IL1RAPL2: variants seen among roughly 807,000 people sequenced by gnomAD.
The protein encoded by IL1RAPL2 is X-linked interleukin-1 receptor accessory protein-like 2.
A neutral mutation model predicts 44.1 loss-of-function variants in IL1RAPL2; 3 were observed. That is an observed-to-expected ratio of 0.07 (90% CI 0.03 to 0.18). The LOEUF (loss-of-function observed/expected upper bound fraction) is 0.18, where lower values mean the gene tolerates loss of function less well. IL1RAPL2 is among the 10% of genes least tolerant of loss of function. The probability of loss-of-function intolerance (pLI) is 1.00; values close to 1 mark genes in which losing one functional copy is unlikely to be tolerated. For missense variants in IL1RAPL2, 391 were observed against 496.4 expected, an observed-to-expected ratio of 0.79 and a Z score of 2.02; for synonymous variants, 181 against 178.8, an observed-to-expected ratio of 1.01 and a Z score of -0.10.
chrX:105,514,528 T>G (rs976210900), intron 6 of IL1RAPL2, among the ~76,000 whole-genome samples: 1 of 112,689 alleles, frequency 8.9e-6, no homozygotes, highest in African/African-American at 3.2e-5. Context: ...TAGAATACTT[T>G]GAAGCAGATA....
intron 2 of IL1RAPL2, among the ~76,000 whole-genome samples, chrX:105,178,201 G>T (rs1443266949): frequency 9.0e-6 from 1 of 110,707 alleles, no homozygotes; most frequent in Non-Finnish European, 1.9e-5. Context: ...AATTCTTTTA[G>T]CTCCCAATAG....
At chrX:105,285,074 T>C (rs2034560880) in intron 5 of IL1RAPL2, among the ~76,000 whole-genome samples, 1 of 112,304 alleles carries the variant, frequency 8.9e-6, no homozygotes. Context: ...GAGTAACACC[T>C]GCTCCTTGCA....
intron 5 of IL1RAPL2, among the ~76,000 whole-genome samples, chrX:105,332,890 T>C (rs1190631924): frequency 1.8e-5 from 2 of 111,528 alleles, no homozygotes; most frequent in African/African-American, 3.3e-5. Context: ...GGACAAATAT[T>C]CCATGTTCAT....
intron 2 of IL1RAPL2, among the ~76,000 whole-genome samples, chrX:104,670,279 C>T (rs1722555625): frequency 9.0e-6 from 1 of 111,398 alleles, no homozygotes; most frequent in African/African-American, 3.3e-5. Context: ...GTCCAAAGAA[C>T]CTGGAGTCTG....
chrX:104,708,648 A>G (rs1026249575), intron 2 of IL1RAPL2, among the ~76,000 whole-genome samples: 4 of 111,567 alleles, frequency 3.6e-5, no homozygotes, highest in Non-Finnish European at 7.6e-5. Flanking sequence ...TGTTCCCTGC[A>G]TAACACATCC....
chrX:104,713,934 C>T (rs1931507511), intron 2 of IL1RAPL2, among the ~76,000 whole-genome samples: 1 of 110,839 alleles, frequency 9.0e-6, no homozygotes, highest in Admixed American at 9.6e-5. Flanking sequence ...TTCCATGTTT[C>T]CAGAAGGAGA....
At chrX:104,914,131 C>G in intron 2 of IL1RAPL2, among the ~76,000 whole-genome samples, 1 of 111,717 alleles carries the variant, frequency 9.0e-6, no homozygotes, top group Middle Eastern at 4.6e-3. Context: ...CACACTAGAC[C>G]TGCTGAATCA....
At chrX:105,527,403 A>C (rs756919746) in intron 6 of IL1RAPL2, among the ~76,000 whole-genome samples, 1 of 107,321 alleles carries the variant, frequency 9.3e-6, no homozygotes, top group East Asian at 2.9e-4. Flanking sequence ...AGCCTACAGG[A>C]TAAAAAGGAC....
At position 104,572,057 on chromosome X, in the gene IL1RAPL2, A is replaced by T. The variant is rs750323106; in HGVS notation, c.-20+5006A>T. On this transcript the variant is annotated intron_variant, in intron 1 of 10. Transcript: ENST00000372582. The stretch of plus-strand genomic sequence containing the variant: ...ATCTAGATCATTGTATTATGTTATG[A>T]ATTTTTAACATTTATGTTGTGCTTG... Among the ~76,000 whole-genome samples, 209 of 112,076 alleles carry T rather than the reference A, an allele frequency of 1.9e-3. 1 individual carries two copies. The highest frequency in any genetic ancestry group is 3.3e-3 in the Non-Finnish European group (177 of 53,223).
In IL1RAPL2 at chrX:104,936,798, G is replaced by A. The variant is rs142279960; in HGVS notation, c.83-258677G>A. Among the ~76,000 whole-genome samples the A allele has an allele frequency of 5.6e-3, 612 of 109,691 alleles. 7 individuals are homozygous for A. Among genetic ancestry groups the A allele is most frequent in the African/African-American group, 0.019 (581 of 30,084 alleles). On this transcript the variant is annotated intron_variant, in intron 2 of 10. Transcript: ENST00000372582. ...TTTTTTTGTATTTTTAGTAGAGATGGGGTTTCACCGTGTTAGCCAGAATGG... is the reference window on the plus strand; with the variant it reads ...TTTTTTTGTATTTTTAGTAGAGATGAGGTTTCACCGTGTTAGCCAGAATGG...
chrX:105,582,747 T>C (rs1414435502), intron 6 of IL1RAPL2, among the ~76,000 whole-genome samples: 1 of 109,728 alleles, frequency 9.1e-6, no homozygotes, highest in Non-Finnish European at 1.9e-5. Context: ...TTTATGTATA[T>C]ATTGATTTTT....
intron 2 of IL1RAPL2, among the ~76,000 whole-genome samples, chrX:104,855,704 A>C (rs1292730329): frequency 5.1e-5 from 2 of 39,315 alleles, no homozygotes; most frequent in African/African-American, 9.0e-5. Flanking sequence ...TTTTTACTGT[A>C]TCTCTCTCTG....
chrX:105,707,948 G>A (rs1358690409), intron 6 of IL1RAPL2, among the ~76,000 whole-genome samples: 1 of 110,484 alleles, frequency 9.1e-6, no homozygotes, highest in East Asian at 2.9e-4. Flanking sequence ...CAAAAGTGGA[G>A]GGTAAAGGCA....
At chrX:105,689,169 C>CTTCATG (rs2038013439) in intron 6 of IL1RAPL2, among the ~76,000 whole-genome samples, 1 of 111,659 alleles carries the variant, frequency 9.0e-6, no homozygotes, top group Admixed American at 9.5e-5. Flanking sequence ...ATGGGGAGAA[C>CTTCATG]TTCATGACTA....
intron 5 of IL1RAPL2, among the ~76,000 whole-genome samples, chrX:105,439,517 CAAAAAAA>C (rs11337790): frequency 2.5e-3 from 147 of 59,093 alleles, no homozygotes; most frequent in African/African-American, 8.8e-3. Flanking sequence ...TTTTGCTGTA[CAAAAAAA>C]AAAAAAAAAA....
chrX:104,574,437 G>A (rs1928207364), intron 1 of IL1RAPL2, among the ~76,000 whole-genome samples: 1 of 112,082 alleles, frequency 8.9e-6, no homozygotes, highest in Admixed American at 9.4e-5. Context: ...TGGCAAACCT[G>A]TGAGGATATG....
chrX:104,620,495 C>T (rs1451136803), intron 1 of IL1RAPL2, among the ~76,000 whole-genome samples: 2 of 106,633 alleles, frequency 1.9e-5, no homozygotes, highest in Non-Finnish European at 3.9e-5. Context: ...AAAAGATTAG[C>T]GGGGCATGGT....
At chrX:104,648,114 C>T (rs902536374) in intron 1 of IL1RAPL2, 2 of 407,416 alleles carry the variant, frequency 4.9e-6, no homozygotes, top group African/African-American at 5.0e-5. Context: ...CACACACATT[C>T]TCAGGCATGC....
At chrX:105,554,283 A>G (rs1314810020) in intron 6 of IL1RAPL2, among the ~76,000 whole-genome samples, 1 of 112,458 alleles carries the variant, frequency 8.9e-6, no homozygotes, top group East Asian at 2.8e-4. Context: ...AGGCAAGGAA[A>G]CTTATTTATC....
Sources: gnomAD v4.1 joint callset for allele counts (sites outside exome capture counted in the v4.1 genomes callset) on GRCh38, gnomAD v4.1.1 for gene constraint, MANE v1.5 for transcripts, NCBI Gene and HGNC (gene_info 2026-07-23, HGNC 2026-07-21) for gene names.